CACNA1D: variants seen among roughly 807,000 people sequenced by gnomAD.
The protein encoded by CACNA1D is voltage-dependent L-type calcium channel subunit alpha-1D.
CACNA1D carries 55 observed loss-of-function variants against 257.1 expected under a neutral mutation model. The observed-to-expected ratio is 0.21, with a 90% CI of 0.17 to 0.27. CACNA1D has a LOEUF of 0.27. Ranked by LOEUF, CACNA1D falls within the 10% of genes least tolerant of loss-of-function variation. The pLI, the probability that CACNA1D is intolerant of heterozygous loss-of-function variation, is 1.00. For missense variants in CACNA1D, 1,876 were observed against 2,784.0 expected (o/e 0.67, Z 7.34); for synonymous variants, 980 against 1,014.9 (o/e 0.97, Z 0.65).
At chr3:53,612,579 C>G (rs1003936789) in intron 3 of CACNA1D, among the ~76,000 whole-genome samples, 1 of 152,198 alleles carries the variant, frequency 6.6e-6, no homozygotes, top group South Asian at 2.1e-4. Flanking sequence ...GAGTTTTGTC[C>G]TCACATCTAT....
Position 53,789,084 on chromosome 3 carries a change from T to C in CACNA1D, c.4923+2132T>C, listed in dbSNP as rs2095471162. 6.6e-6 allele frequency among the ~76,000 whole-genome samples: 1 copy of C among 152,218 alleles called. No homozygotes were observed. Among genetic ancestry groups the C allele is most frequent in the Admixed American group, 6.5e-5 (1 of 15,280 alleles). On this transcript the variant is annotated intron_variant, in intron 40 of 47. Transcript: ENST00000350061. The surrounding 1 kb of genome is among the most constrained non-coding windows in gnomAD (Gnocchi z 4.2). Reference sequence around the variant, plus strand: ...GCATGAATGATACAGCGGCAGGTTGTGGGTTAAAAGACTCTTTTTGTGTTG... The same window carrying C: ...GCATGAATGATACAGCGGCAGGTTGCGGGTTAAAAGACTCTTTTTGTGTTG...
intron 15 of CACNA1D, among the ~76,000 whole-genome samples, chr3:53,727,638 T>C (rs2094948790): frequency 6.6e-6 from 1 of 152,100 alleles, no homozygotes; most frequent in Non-Finnish European, 1.5e-5. Flanking sequence ...CCTGATCCTA[T>C]AGCCTTTGGT....
chr3:53,520,924 C>G (rs1191306590), intron 3 of CACNA1D, among the ~76,000 whole-genome samples: 1 of 120,670 alleles, frequency 8.3e-6, no homozygotes, highest in Non-Finnish European at 1.8e-5. Flanking sequence ...CTTTTTCTTT[C>G]TTTTCTTTCT....
chr3:53,728,883 G>A (rs1321630362), intron 15 of CACNA1D, among the ~76,000 whole-genome samples: 2 of 152,210 alleles, frequency 1.3e-5, no homozygotes, highest in Non-Finnish European at 2.9e-5. Context: ...CCACTCTTTA[G>A]GAGGGTCTGA....
Position 53,538,140 on chromosome 3 carries a change from AGTTTTTTT to A in CACNA1D, c.483+36421_483+36428del, listed in dbSNP as rs1413141696. ...TTTCTCCATATTTACCAGTTTTTGA[AGTTTTTTT>A]TTTTTTTTTTTTTTTTTTTGACAGA... On this transcript the variant is annotated intron_variant, in intron 3 of 47. Coordinates refer to ENST00000350061, the MANE Select transcript of CACNA1D (RefSeq NM_001128840.3). Among the ~76,000 whole-genome samples the A allele has an allele frequency of 4.1e-4, 45 of 109,008 alleles. No individual in the cohort carries two copies. The East Asian group carries it at 0.012, about 29-fold the overall frequency. The allele number at this position is 109,008 out of a possible 152,430, so 71.5% of individuals were successfully genotyped here. A position where few individuals can be genotyped will look rare whatever the true frequency, so the allele number is the denominator to read the frequency against.
At chr3:53,756,229 A>C (rs2095264119) in intron 29 of CACNA1D, among the ~76,000 whole-genome samples, 1 of 152,184 alleles carries the variant, frequency 6.6e-6, no homozygotes, top group Admixed American at 6.5e-5. Flanking sequence ...GAGAAATCTG[A>C]CCTTAAGGAC....
chr3:53,755,119 C>G (rs1322384004), intron 29 of CACNA1D, among the ~76,000 whole-genome samples: 1 of 152,184 alleles, frequency 6.6e-6, no homozygotes, highest in Non-Finnish European at 1.5e-5. Context: ...ACCTTTACTT[C>G]TTTGAACAAT....
intron 20 of CACNA1D, among the ~76,000 whole-genome samples, chr3:53,739,672 A>G (rs893646279): frequency 2.0e-5 from 3 of 152,330 alleles, no homozygotes; most frequent in Non-Finnish European, 4.4e-5. Flanking sequence ...AACAACGGGC[A>G]GGAGTGCTGG....
chr3:53,513,263 T>A (rs1207000245), intron 3 of CACNA1D, among the ~76,000 whole-genome samples: 1 of 152,222 alleles, frequency 6.6e-6, no homozygotes, highest in Non-Finnish European at 1.5e-5. Flanking sequence ...CCCATAAGAT[T>A]ATAATGGAGC....
At chr3:53,523,540 G>A (rs1317295272) in intron 3 of CACNA1D, among the ~76,000 whole-genome samples, 1 of 152,174 alleles carries the variant, frequency 6.6e-6, no homozygotes, top group South Asian at 2.1e-4. Flanking sequence ...CTGGCGCTTC[G>A]CCATAGGCAC....
At chr3:53,697,734 A>G (rs1404124431) in intron 8 of CACNA1D, among the ~76,000 whole-genome samples, 1 of 152,182 alleles carries the variant, frequency 6.6e-6, no homozygotes. Flanking sequence ...AAAATATTTT[A>G]TAATTTATTA....
At chr3:53,732,773 A>G (rs2095011143) in intron 18 of CACNA1D, 42 bp from the exon 19 acceptor site, 1 of 1,560,944 alleles carries the variant, frequency 6.4e-7, no homozygotes, top group Admixed American at 1.7e-5. Context: ...ACCCATATGT[A>G]GTCTTTATTT....
At chr3:53,698,806 C>CTT (rs11393164) in intron 8 of CACNA1D, among the ~76,000 whole-genome samples, 1,365 of 135,144 alleles carry the variant, frequency 0.01, 9 homozygotes, top group South Asian at 0.03. Flanking sequence ...CACTTTATTG[C>CTT]TTTTTTTTTT....
At chr3:53,536,173 C>T (rs1049291643) in intron 3 of CACNA1D, among the ~76,000 whole-genome samples, 2 of 152,060 alleles carry the variant, frequency 1.3e-5, no homozygotes, top group Non-Finnish European at 2.9e-5. Context: ...ACTCATGGCT[C>T]CAAAAGGGGC....
chr3:53,760,468 G>A (rs2095294771), intron 29 of CACNA1D, among the ~76,000 whole-genome samples: 1 of 152,130 alleles, frequency 6.6e-6, no homozygotes. Context: ...TATATAATAT[G>A]TACCTGAATT....
chr3:53,566,689 G>A (rs550614996), intron 3 of CACNA1D, among the ~76,000 whole-genome samples: 2 of 152,190 alleles, frequency 1.3e-5, no homozygotes, highest in African/African-American at 2.4e-5. Context: ...GAAGCTGTTG[G>A]CTGAAAGGAG....
In CACNA1D at chr3:53,655,349, G is replaced by A. The variant is rs1467144868; in HGVS notation, c.623+4431G>A. Among the ~76,000 whole-genome samples, 3 of 152,110 alleles carry A rather than the reference G, an allele frequency of 2.0e-5. No individual in the cohort carries two copies. In the East Asian group the frequency reaches 5.8e-4, roughly 29 times the overall value. ...TGTGTACCCAGTAATGGGATTTCTG[G>A]GTCAAGTGGTAGTTCTGTTGTTAGC... On this transcript the variant is annotated intron_variant, in intron 4 of 47. Transcript: ENST00000350061.
rs562483844 is a variant in CACNA1D, at chr3:53,672,858, A to C, written c.1117-165A>C. On this transcript the variant is annotated intron_variant, in intron 7 of 47. Coordinates refer to ENST00000350061, the MANE Select transcript of CACNA1D (RefSeq NM_001128840.3). Reference sequence around the variant, plus strand: ...TGTGTGTATGGGGAATATGTGATTAATGTGTGTTGGCTGCTGTTGTCTCTG... The same window carrying C: ...TGTGTGTATGGGGAATATGTGATTACTGTGTGTTGGCTGCTGTTGTCTCTG... Among the ~76,000 whole-genome samples the C allele has an allele frequency of 1.6e-4, 23 of 140,702 alleles. No individual in the cohort carries two copies. In the South Asian group the frequency reaches 4.1e-3, roughly 25 times the overall value. 92.3% of individuals were successfully genotyped at this position (140,702 alleles called of 152,430 possible).
chr3:53,552,017 C>T (rs1456747211), intron 3 of CACNA1D, among the ~76,000 whole-genome samples: 3 of 152,212 alleles, frequency 2.0e-5, no homozygotes, highest in Non-Finnish European at 4.4e-5. Flanking sequence ...CAGAAGTACT[C>T]TATGGCTATC....
Sources: gnomAD v4.1 joint callset for allele counts (sites outside exome capture counted in the v4.1 genomes callset) on GRCh38, gnomAD v4.1.1 for gene constraint, Gnocchi (gnomAD v3.1) non-coding constraint, MANE v1.5 for transcripts, NCBI Gene and HGNC (gene_info 2026-07-23, HGNC 2026-07-21) for gene names.